The following NAALADL2 variants were observed in gnomAD, a reference collection of about 807,000 sequenced individuals.
The protein encoded by NAALADL2 is inactive N-acetylated-alpha-linked acidic dipeptidase-like protein 2.
A neutral mutation model predicts 87.2 loss-of-function variants in NAALADL2; 76 were observed. The ratio of observed to expected loss-of-function variants is 0.87; its 90% CI spans 0.72 to 1.05. The LOEUF (loss-of-function observed/expected upper bound fraction) is 1.05. Ranked by LOEUF, NAALADL2 falls within the 50% of genes least tolerant of loss-of-function variation. The pLI is 0.00. For missense variants in NAALADL2, 1,089 were observed against 945.8 expected (o/e 1.15, Z -1.99); for synonymous variants, 354 against 331.0 (o/e 1.07, Z -0.75).
chr3:175,086,468 ATAT>A (rs1286157029), intron 1 of NAALADL2, among the ~76,000 whole-genome samples: 2 of 152,174 alleles, frequency 1.3e-5, no homozygotes, highest in Non-Finnish European at 2.9e-5. Flanking sequence ...TAAAGTAATA[ATAT>A]TTGACATTTT....
intron 3 of NAALADL2, among the ~76,000 whole-genome samples, chr3:174,853,044 G>A (rs974265138): frequency 2.6e-5 from 4 of 151,624 alleles, no homozygotes; most frequent in African/African-American, 9.7e-5. Context: ...CTCTCATCAT[G>A]TTCAAAAATC....
chr3:175,421,360 G>A (rs1699802002), intron 5 of NAALADL2, among the ~76,000 whole-genome samples: 1 of 152,048 alleles, frequency 6.6e-6, no homozygotes, highest in Admixed American at 6.6e-5. Flanking sequence ...CTCCACTCCA[G>A]ACCTTGTGAA....
chr3:175,011,885 A>G (rs2108808728), intron 1 of NAALADL2, among the ~76,000 whole-genome samples: 1 of 152,296 alleles, frequency 6.6e-6, no homozygotes, highest in South Asian at 2.1e-4. Flanking sequence ...ATTTAATAAA[A>G]TTAAGTAGTA....
chr3:175,305,318 C>T (rs1015477950), intron 4 of NAALADL2, among the ~76,000 whole-genome samples: 2 of 151,730 alleles, frequency 1.3e-5, no homozygotes, highest in Non-Finnish European at 2.9e-5. Context: ...AATTCTCTCT[C>T]TAACTGAACT....
At chr3:175,391,665 T>A (rs916151208) in intron 5 of NAALADL2, among the ~76,000 whole-genome samples, 1 of 152,142 alleles carries the variant, frequency 6.6e-6, no homozygotes, top group African/African-American at 2.4e-5. Context: ...ATTCTTGACC[T>A]AAAGAAACTG....
intron 9 of NAALADL2, among the ~76,000 whole-genome samples, chr3:175,545,599 A>G (rs959250746): frequency 6.6e-6 from 1 of 152,140 alleles, no homozygotes; most frequent in African/African-American, 2.4e-5. Flanking sequence ...TGGCATGCAA[A>G]GCACCTTGCA....
At chr3:175,575,793 G>A (rs2149555687) in intron 9 of NAALADL2, among the ~76,000 whole-genome samples, 1 of 152,260 alleles carries the variant, frequency 6.6e-6, no homozygotes, top group East Asian at 1.9e-4. Context: ...AGCAAGCAAA[G>A]CTTTAATTCT....
intron 5 of NAALADL2, among the ~76,000 whole-genome samples, chr3:175,378,880 T>C (rs1177773698): frequency 1.3e-5 from 2 of 152,204 alleles, no homozygotes; most frequent in African/African-American, 4.8e-5. Context: ...TAGGCACTTA[T>C]AAATGCAGGA....
intron 2 of NAALADL2, among the ~76,000 whole-genome samples, chr3:175,099,730 C>T (rs1258424197): frequency 1.3e-5 from 2 of 152,062 alleles, no homozygotes; most frequent in Non-Finnish European, 1.5e-5. Flanking sequence ...ATGCTCTAAA[C>T]CTATGTCAGT....
chr3:175,136,816 A>AGGT (rs1729184002), intron 2 of NAALADL2, among the ~76,000 whole-genome samples: 1 of 152,192 alleles, frequency 6.6e-6, no homozygotes, highest in East Asian at 1.9e-4. Context: ...AAGAGGTCAC[A>AGGT]GTGACCTTGT....
At chr3:174,651,197 A>G (rs1724322942) in intron 2 of NAALADL2, among the ~76,000 whole-genome samples, 1 of 152,092 alleles carries the variant, frequency 6.6e-6, no homozygotes, top group South Asian at 2.1e-4. Context: ...TGACCTCAAA[A>G]TTTTCTGTTG....
chr3:174,779,600 G>T lies in NAALADL2; in HGVS notation c.-9+41854G>T, dbSNP rs144969492. Among the ~76,000 whole-genome samples, 951 of 152,226 alleles carry T rather than the reference G, an allele frequency of 6.2e-3. 8 individuals carry two copies. The highest frequency in any genetic ancestry group is 0.027 in the Middle Eastern group (8 of 294). The stretch of plus-strand genomic sequence containing the variant: ...CTATGTTTTATTCTAGGCTTTTACG[G>T]CTTTAGGTCTTACGTTTAAGTCTTT... On this transcript the variant is annotated intron_variant, in intron 3 of 3. Coordinates refer to the NAALADL2 transcript ENST00000434257.
At chr3:174,736,330 T>C (rs1276768643) in intron 2 of NAALADL2, among the ~76,000 whole-genome samples, 2 of 152,046 alleles carry the variant, frequency 1.3e-5, no homozygotes, top group Non-Finnish European at 2.9e-5. Flanking sequence ...TGTGTCCAGG[T>C]AGAATGAGGT....
intron 2 of NAALADL2, among the ~76,000 whole-genome samples, chr3:174,711,974 G>T (rs894886410): frequency 6.6e-6 from 1 of 151,748 alleles, no homozygotes; most frequent in African/African-American, 2.4e-5. Flanking sequence ...TAATTTTTGT[G>T]TTTTAGTAGA....
chr3:175,490,025 G>A (rs990387269), intron 9 of NAALADL2, among the ~76,000 whole-genome samples: 1 of 152,068 alleles, frequency 6.6e-6, no homozygotes, highest in African/African-American at 2.4e-5. Context: ...ACTTCTAAAG[G>A]TGGGTCCTAC....
At chr3:175,539,583 A>G (rs1711931867) in intron 9 of NAALADL2, among the ~76,000 whole-genome samples, 1 of 150,234 alleles carries the variant, frequency 6.7e-6, no homozygotes, top group Non-Finnish European at 1.5e-5. Flanking sequence ...TGTACAGATT[A>G]TTTTGTCACC....
At chr3:175,705,580 G>A (rs1020105510) in intron 11 of NAALADL2, among the ~76,000 whole-genome samples, 1 of 151,730 alleles carries the variant, frequency 6.6e-6, no homozygotes, top group African/African-American at 2.4e-5. Context: ...ACACTGATTG[G>A]GTGTCTTCTG....
chr3:175,173,308 T>A (rs111398933), intron 2 of NAALADL2, among the ~76,000 whole-genome samples: 10 of 125,080 alleles, frequency 8.0e-5, no homozygotes, highest in South Asian at 2.7e-4. Flanking sequence ...AATAAATAAA[T>A]AAAATAAATA....
intron 10 of NAALADL2, among the ~76,000 whole-genome samples, chr3:175,585,783 G>A (rs1486947553): frequency 2.0e-5 from 3 of 151,516 alleles, no homozygotes; most frequent in Admixed American, 2.0e-4. Context: ...TCATTCCTTG[G>A]TAATTGTCCG....
Sources: gnomAD v4.1 joint callset for allele counts (sites outside exome capture counted in the v4.1 genomes callset) on GRCh38, gnomAD v4.1.1 for gene constraint, MANE v1.5 for transcripts, NCBI Gene and HGNC (gene_info 2026-07-23, HGNC 2026-07-21) for gene names.